RCOR1: variants seen among roughly 807,000 people sequenced by gnomAD.
RCOR1 encodes the protein REST corepressor 1, also known as REST corepressor.
RCOR1 carries 12 observed loss-of-function variants against 64.0 expected under a neutral mutation model. The ratio of observed to expected loss-of-function variants is 0.19; its 90% CI spans 0.12 to 0.30. RCOR1 has a LOEUF of 0.30. Ranked by LOEUF, RCOR1 falls within the 10% of genes least tolerant of loss-of-function variation. The pLI, the probability that RCOR1 is intolerant of heterozygous loss-of-function variation, is 1.00. For missense variants in RCOR1, 502 were observed against 621.2 expected (o/e 0.81, Z 2.04); for synonymous variants, 279 against 227.2 (o/e 1.23, Z -2.05).
At chr14:102,633,559 A>T (rs1478693320) in intron 2 of RCOR1, among the ~76,000 whole-genome samples, 1 of 151,856 alleles carries the variant, frequency 6.6e-6, no homozygotes, top group Admixed American at 6.6e-5. Flanking sequence ...TTTCTCTTTG[A>T]GACGGAGTTT....
intron 3 of RCOR1, among the ~76,000 whole-genome samples, chr14:102,686,391 G>A (rs539441102): frequency 3.9e-5 from 6 of 152,246 alleles, no homozygotes; most frequent in South Asian, 2.1e-4. Context: ...AACATCCTGC[G>A]CTGGAGTCCA....
At position 102,644,252 on chromosome 14, in the gene RCOR1, A is replaced by G. The variant is rs117959902; in HGVS notation, c.362-37643A>G. On this transcript the variant is annotated intron_variant, in intron 2 of 11. Coordinates refer to ENST00000262241, the MANE Select transcript of RCOR1 (RefSeq NM_015156.4). ...AGGCTTCCAAAGCAAGTATCGCAAG[A>G]AAACTGACTATTAACTGATTCACTT... Among the ~76,000 whole-genome samples the G allele has an allele frequency of 8.6e-3, 1,307 of 152,364 alleles. 10 individuals carry two copies. The highest frequency in any genetic ancestry group is 0.014 in the Non-Finnish European group (964 of 68,034).
At chr14:102,633,643 G>A (rs780312317) in intron 2 of RCOR1, among the ~76,000 whole-genome samples, 1 of 152,098 alleles carries the variant, frequency 6.6e-6, no homozygotes, top group Non-Finnish European at 1.5e-5. Context: ...GCATTGAAGC[G>A]ATTCTCCTGT....
intron 3 of RCOR1, among the ~76,000 whole-genome samples, chr14:102,691,772 A>T (rs79926197): frequency 0.032 from 4,879 of 152,292 alleles, 221 homozygotes; most frequent in African/African-American, 0.1. Flanking sequence ...TTAATGTCTA[A>T]TCTGTATCTT....
At chr14:102,603,388 A>G (rs529799970) in intron 2 of RCOR1, among the ~76,000 whole-genome samples, 84 of 152,040 alleles carry the variant, frequency 5.5e-4, no homozygotes, top group Non-Finnish European at 1.2e-3. Flanking sequence ...GCAGTTGTGT[A>G]ATTTTGGCTC....
At chr14:102,634,652 GTATATA>G (rs747698453) in intron 2 of RCOR1, among the ~76,000 whole-genome samples, 1 of 144,232 alleles carries the variant, frequency 6.9e-6, no homozygotes, top group Non-Finnish European at 1.5e-5. Context: ...ATATATATAT[GTATATA>G]TATATACACA....
Position 102,721,041 on chromosome 14 carries a change from A to G in RCOR1, c.1088A>G (p.Lys363Arg), listed in dbSNP as rs1483459111. Residue 363 changes from lysine to arginine, a missense_variant, in exon 9 of 12, where the codon AAA becomes AGA. Physicochemically the swap from Lys to Arg is conservative, Grantham distance 26. Coordinates refer to ENST00000262241, the MANE Select transcript of RCOR1 (RefSeq NM_015156.4). ...QNIKQTNSAL[K>R]EKLDGGIEPY... is the part of the protein sequence containing the mutation. ...ATTAAACAGACAAACAGTGCTCTCAAAGAAAAACTTGATGGTGGAATAGAA... is the reference window on the plus strand; with the variant it reads ...ATTAAACAGACAAACAGTGCTCTCAGAGAAAAACTTGATGGTGGAATAGAA... 9 of 1,578,846 alleles carry G rather than the reference A, an allele frequency of 5.7e-6. No homozygotes were observed. The African/African-American group carries it at 6.8e-5, about 12-fold the overall frequency.
intron 2 of RCOR1, among the ~76,000 whole-genome samples, chr14:102,605,812 G>A (rs1473564102): frequency 6.6e-6 from 1 of 152,158 alleles, no homozygotes; most frequent in Non-Finnish European, 1.5e-5. Context: ...ACACCTCCAT[G>A]GGTCTTATTG....
chr14:102,670,741 T>TTATATA (rs5811078), intron 2 of RCOR1, among the ~76,000 whole-genome samples: 50 of 146,748 alleles, frequency 3.4e-4, no homozygotes, highest in East Asian at 7.9e-4. Flanking sequence ...GACAAGATTA[T>TTATATA]TATATATATA....
At chr14:102,677,102 C>T (rs1481782475) in intron 2 of RCOR1, among the ~76,000 whole-genome samples, 5 of 127,626 alleles carry the variant, frequency 3.9e-5, no homozygotes, top group South Asian at 2.5e-4. Context: ...CCAGTAGGGG[C>T]GGCCGGGCCG....
At chr14:102,657,900 C>G in intron 2 of RCOR1, 2 of 984,154 alleles carry the variant, frequency 2.0e-6, no homozygotes, top group Non-Finnish European at 2.4e-6. Context: ...GCCAGTTTCC[C>G]ATTATATTGC....
rs1894528235 is a variant in RCOR1, at chr14:102,648,950, GTT to G, written c.362-32944_362-32943del. On this transcript the variant is annotated intron_variant, in intron 2 of 11. Transcript: ENST00000262241. ...AGTGAAGACAGGGCTCCAAAGGGGT[GTT>G]GTCAAGAAATAAACAACCAATAGAT... Among the ~76,000 whole-genome samples, 5 of 152,074 alleles carry G rather than the reference GTT, an allele frequency of 3.3e-5. No individual in the cohort carries two copies. In the South Asian group the frequency reaches 1.0e-3, roughly 32 times the overall value.
At chr14:102,643,071 A>G in intron 2 of RCOR1, among the ~76,000 whole-genome samples, 1 of 152,154 alleles carries the variant, frequency 6.6e-6, no homozygotes, top group East Asian at 1.9e-4. Flanking sequence ...TCACGAGGTC[A>G]GGAGATCAAG....
At chr14:102,599,196 G>A (rs551471093) in intron 2 of RCOR1, among the ~76,000 whole-genome samples, 82 of 151,478 alleles carry the variant, frequency 5.4e-4, no homozygotes, top group Non-Finnish European at 9.1e-4. Flanking sequence ...TGATCATGGC[G>A]GCAGTGAACT....
intron 2 of RCOR1, among the ~76,000 whole-genome samples, chr14:102,664,378 G>A (rs1429952595): frequency 6.6e-6 from 1 of 152,172 alleles, no homozygotes; most frequent in Non-Finnish European, 1.5e-5. Context: ...GCCTCCCAAA[G>A]TGCTGGGATT....
At chr14:102,624,135 G>A (rs1007053232) in intron 2 of RCOR1, among the ~76,000 whole-genome samples, 17 of 152,172 alleles carry the variant, frequency 1.1e-4, no homozygotes, top group Non-Finnish European at 4.4e-5. Flanking sequence ...GGCGGAGCTT[G>A]CAGTGAGCTG....
intron 2 of RCOR1, among the ~76,000 whole-genome samples, chr14:102,673,246 A>T (rs1363641590): frequency 1.3e-5 from 2 of 151,798 alleles, no homozygotes; most frequent in African/African-American, 4.8e-5. Context: ...TGCTTTTTCT[A>T]TTCAAACTGG....
At chr14:102,691,636 A>T (rs1480131099) in intron 3 of RCOR1, among the ~76,000 whole-genome samples, 2 of 152,158 alleles carry the variant, frequency 1.3e-5, no homozygotes, top group Non-Finnish European at 2.9e-5. Context: ...CATCACTTTA[A>T]TTTTTTTAAG....
intron 2 of RCOR1, among the ~76,000 whole-genome samples, chr14:102,638,912 C>G (rs1305391125): frequency 6.6e-6 from 1 of 152,222 alleles, no homozygotes; most frequent in Non-Finnish European, 1.5e-5. Flanking sequence ...CTCCGCCTGC[C>G]TCAGCCTCTG....
Sources: allele counts gnomAD v4.1 joint callset (sites outside exome capture counted in the v4.1 genomes callset), GRCh38; gene constraint gnomAD v4.1.1; transcripts MANE v1.5; gene names NCBI Gene and HGNC (gene_info 2026-07-23, HGNC 2026-07-21).